Variants in CACNA1D observed in about 807,000 individuals in gnomAD.
The protein encoded by CACNA1D is calcium voltage-gated channel subunit alpha1 D, also known as voltage-dependent L-type calcium channel subunit alpha-1D.
In CACNA1D, 55 loss-of-function variants were observed where a neutral mutation model predicts 257.1. That is an observed-to-expected ratio of 0.21 (90% confidence interval 0.17 to 0.27). The LOEUF is 0.27. CACNA1D is among the 10% of genes least tolerant of loss of function. The pLI is 1.00. For synonymous variants in CACNA1D, 980 were observed against 1,014.9 expected (o/e 0.97, Z 0.65); for missense variants, 1,876 against 2,784.0 (o/e 0.67, Z 7.34).
At chr3:53,587,124 C>T (rs2107785044) in intron 3 of CACNA1D, among the ~76,000 whole-genome samples, 1 of 152,246 alleles carries the variant, frequency 6.6e-6, no homozygotes, top group South Asian at 2.1e-4. Context: ...GGGTTTTAAG[C>T]AGAGGACTGA....
chr3:53,701,735 G>A (rs181233179), intron 8 of CACNA1D, among the ~76,000 whole-genome samples: 32 of 152,246 alleles, frequency 2.1e-4, no homozygotes, highest in Admixed American at 1.4e-3. Flanking sequence ...ATAAAAATTG[G>A]GTAATCGTCC....
chr3:53,663,475 C>T (rs2094226292), intron 5 of CACNA1D, among the ~76,000 whole-genome samples: 1 of 152,164 alleles, frequency 6.6e-6, no homozygotes, highest in Non-Finnish European at 1.5e-5. Context: ...GTCTCCAGGG[C>T]AGGTTCTGGA....
intron 3 of CACNA1D, among the ~76,000 whole-genome samples, chr3:53,536,609 T>G (rs1398368357): frequency 6.6e-6 from 1 of 152,254 alleles, no homozygotes. Context: ...TTATGCCTCT[T>G]TTTGTATGGC....
At chr3:53,529,178 T>G (rs1353096334) in intron 3 of CACNA1D, among the ~76,000 whole-genome samples, 2 of 152,170 alleles carry the variant, frequency 1.3e-5, no homozygotes, top group Non-Finnish European at 2.9e-5. Context: ...GTTGAGGAAG[T>G]TTCCTTCTGT....
intron 3 of CACNA1D, among the ~76,000 whole-genome samples, chr3:53,647,769 T>C (rs540728182): frequency 6.6e-5 from 10 of 152,354 alleles, no homozygotes; most frequent in African/African-American, 1.7e-4. Flanking sequence ...GTGGCAGGAT[T>C]GAGGACCGGG....
chr3:53,796,408 C>T (rs1207006724), intron 40 of CACNA1D: 2 of 456,056 alleles, frequency 4.4e-6, no homozygotes, highest in South Asian at 1.5e-5. Flanking sequence ...AGCGTAGGTC[C>T]AGGGCGGGGC....
At chr3:53,676,043 G>A (rs1463180057) in intron 8 of CACNA1D, among the ~76,000 whole-genome samples, 1 of 152,308 alleles carries the variant, frequency 6.6e-6, no homozygotes, top group East Asian at 1.9e-4. Context: ...TAGAGTGCCC[G>A]GCTCTGGTCC....
chr3:53,801,499 C>T (rs1045465015), intron 42 of CACNA1D, 74 bp downstream of exon 42: 13 of 1,582,458 alleles, frequency 8.2e-6, no homozygotes, highest in African/African-American at 4.0e-5. Context: ...AGGAGCAAGG[C>T]GGGTCTGTGC....
chr3:53,671,813 T>G (rs2094326066), intron 7 of CACNA1D, among the ~76,000 whole-genome samples: 1 of 152,204 alleles, frequency 6.6e-6, no homozygotes. Context: ...TCTGTAAAGT[T>G]AAAACCTGGA....
chr3:53,514,180 C>A (rs1007835900), intron 3 of CACNA1D, among the ~76,000 whole-genome samples: 1 of 152,030 alleles, frequency 6.6e-6, no homozygotes, highest in East Asian at 1.9e-4. Context: ...ATTGCTTGCA[C>A]GAGGCCGTGC....
At chr3:53,748,363 A>G (rs2095191719) in intron 26 of CACNA1D, among the ~76,000 whole-genome samples, 1 of 152,144 alleles carries the variant, frequency 6.6e-6, no homozygotes, top group Non-Finnish European at 1.5e-5. Context: ...GGTGTGTGTA[A>G]GAGTCAGATA....
chr3:53,762,094 C>T lies in CACNA1D; in HGVS notation c.3870+13C>T. On this transcript the variant is annotated intron_variant, in intron 30 of 47. Coordinates refer to ENST00000350061, the MANE Select transcript of CACNA1D (RefSeq NM_001128840.3). ...CAGCGAAGCAGACGTGAGTATGCAC[C>T]TGGCGTGGCCGCCACCTGTGTCCTC... The T allele has an allele frequency of 6.4e-7, 1 of 1,571,766 alleles. No individual in the cohort carries two copies. Among genetic ancestry groups the T allele is most frequent in the African/African-American group, 1.3e-5 (1 of 74,222 alleles).
At chr3:53,768,716 C>G (rs1252860018) in intron 30 of CACNA1D, among the ~76,000 whole-genome samples, 3 of 152,290 alleles carry the variant, frequency 2.0e-5, no homozygotes, top group Non-Finnish European at 4.4e-5. Flanking sequence ...TTCAGTTTTT[C>G]TGTGATATGC....
chr3:53,663,714 C>A (rs1019950650), intron 5 of CACNA1D, among the ~76,000 whole-genome samples: 1 of 152,134 alleles, frequency 6.6e-6, no homozygotes, highest in Non-Finnish European at 1.5e-5. Context: ...ATTTCAGACT[C>A]AGCAAGACCC....
At chr3:53,779,823 T>C (rs2095416658) in intron 37 of CACNA1D, among the ~76,000 whole-genome samples, 1 of 152,166 alleles carries the variant, frequency 6.6e-6, no homozygotes, top group Non-Finnish European at 1.5e-5. Context: ...CCAGAAATCA[T>C]GTTTAACCAA....
At chr3:53,661,864 T>C (rs2094206736) in intron 5 of CACNA1D, among the ~76,000 whole-genome samples, 1 of 152,216 alleles carries the variant, frequency 6.6e-6, no homozygotes, top group Non-Finnish European at 1.5e-5. Context: ...TGAAATTTGA[T>C]AGGGAGATTT....
intron 8 of CACNA1D, among the ~76,000 whole-genome samples, chr3:53,677,930 G>C (rs926913640): frequency 1.3e-5 from 2 of 152,140 alleles, no homozygotes; most frequent in African/African-American, 4.8e-5. Context: ...TAGCAGCTTC[G>C]TGAAGTTCAG....
intron 3 of CACNA1D, among the ~76,000 whole-genome samples, chr3:53,635,752 A>G (rs1369495949): frequency 6.6e-6 from 1 of 152,132 alleles, no homozygotes; most frequent in African/African-American, 2.4e-5. Flanking sequence ...GCCCCATTGC[A>G]AGAACAGGCA....
intron 3 of CACNA1D, among the ~76,000 whole-genome samples, chr3:53,518,189 G>A (rs2107313540): frequency 6.6e-6 from 1 of 152,340 alleles, no homozygotes; most frequent in South Asian, 2.1e-4. Context: ...GAACTGAGAG[G>A]ACTAGCACCC....
Sources: gnomAD v4.1 joint callset for allele counts (sites outside exome capture counted in the v4.1 genomes callset) on GRCh38, gnomAD v4.1.1 for gene constraint, MANE v1.5 for transcripts, NCBI Gene and HGNC (gene_info 2026-07-23, HGNC 2026-07-21) for gene names.